Variants in INTS12 observed in about 807,000 individuals in gnomAD.
INTS12 encodes PHD finger protein 22.
In INTS12, 13 loss-of-function variants were observed where a neutral mutation model predicts 41.6. The ratio of observed to expected loss-of-function variants is 0.31; its 90% CI spans 0.20 to 0.50. The LOEUF is 0.50. Among genes scored for constraint, INTS12 ranks in the 20% least tolerant of loss-of-function variants. The pLI is 0.98. For missense variants in INTS12, 432 were observed against 541.6 expected (o/e 0.80, Z 2.01); for synonymous variants, 199 against 191.4 (o/e 1.04, Z -0.33).
At chr4:105,694,333 A>AT (rs954701207) in intron 4 of INTS12, among the ~76,000 whole-genome samples, 8 of 150,804 alleles carry the variant, frequency 5.3e-5, no homozygotes, top group Middle Eastern at 3.4e-3. Flanking sequence ...CATTTACATA[A>AT]TTTTTTTTTT....
At position 105,695,664 on chromosome 4, in the gene INTS12, A is replaced by C; in HGVS notation, c.161T>G (p.Val54Gly). The change falls in exon 4 of 8, where the codon GTG becomes GGG. Residue 54 changes from valine (V) to glycine (G), a missense_variant. Val to Gly is a moderately radical substitution (Grantham distance 109, BLOSUM62 -3). Coordinates refer to ENST00000340139, the MANE Select transcript of INTS12 (RefSeq NM_020395.4). ...DSSYRPSQKD[V>G]EPPKISSTKN... Reference sequence around the variant, plus strand: ...TGTGCTTGAAATTTTGGGTGGCTCCACATCCTAAAAGATGAAAAAAGGTAC... The same window carrying C: ...TGTGCTTGAAATTTTGGGTGGCTCCCCATCCTAAAAGATGAAAAAAGGTAC... 2 of 1,611,254 alleles carry C rather than the reference A, an allele frequency of 1.2e-6. No individual in the cohort carries two copies. Among genetic ancestry groups the C allele is most frequent in the Non-Finnish European group, 1.7e-6 (2 of 1,179,020 alleles).
chr4:105,684,199 T>C (rs952264166), intron 7 of INTS12, among the ~76,000 whole-genome samples: 13 of 152,168 alleles, frequency 8.5e-5, no homozygotes, highest in African/African-American at 2.9e-4. Flanking sequence ...ACTATATAAA[T>C]ACATATTGCT....
intron 6 of INTS12, chr4:105,687,204 C>G (rs544492213): frequency 4.6e-6 from 1 of 219,126 alleles, no homozygotes; most frequent in Admixed American, 5.3e-5. Context: ...GTCAAATACA[C>G]AAGAGTTTTC....
At chr4:105,699,191 T>C (rs1731973187) in intron 3 of INTS12, among the ~76,000 whole-genome samples, 1 of 152,208 alleles carries the variant, frequency 6.6e-6, no homozygotes. Flanking sequence ...CAGTTATCTA[T>C]CTTAAAGGAT....
chr4:105,695,910 G>A (rs1271110242), intron 3 of INTS12, among the ~76,000 whole-genome samples: 1 of 152,062 alleles, frequency 6.6e-6, no homozygotes. Context: ...GTGGAGTGCT[G>A]TGGCACAGTC....
chr4:105,695,757 A>AATTAAGAC, intron 3 of INTS12, 89 bp from the exon 4 acceptor site: 1 of 1,036,756 alleles, frequency 9.6e-7, no homozygotes, highest in East Asian at 2.5e-5. Flanking sequence ...TTCAGTTAAA[A>AATTAAGAC]ATTAAGACAT....
chr4:105,704,278 AGTCATCTT>A (rs1732187314), intron 1 of INTS12, among the ~76,000 whole-genome samples: 1 of 152,172 alleles, frequency 6.6e-6, no homozygotes, highest in Non-Finnish European at 1.5e-5. Flanking sequence ...CTTCTTTGTC[AGTCATCTT>A]TGTAGGTTCC....
In INTS12 at chr4:105,682,964, A is replaced by G. The variant is rs917966531; in HGVS notation, c.1158T>C (p.Gly386=). The G allele has an allele frequency of 7.8e-5, 126 of 1,613,982 alleles. No individual in the cohort carries two copies. Among genetic ancestry groups the G allele is most frequent in the Non-Finnish European group, 1.0e-4 (120 of 1,179,984 alleles). Reference sequence around the variant, plus strand: ...GAACTAAACTACTTGGACTAGGAAGACCTACTTTGCTGACATTGTCACAAC... The same window carrying G: ...GAACTAAACTACTTGGACTAGGAAGGCCTACTTTGCTGACATTGTCACAAC... The part of the protein sequence containing the change: ...SVSCDNVSKV[G]LPSPSSLVPG... Residue 386 remains glycine (G), a synonymous_variant, in exon 8 of 8, where the codon GGT becomes GGC. Transcript: ENST00000340139.
At position 105,683,243 on chromosome 4, in the gene INTS12, C is replaced by A; in HGVS notation, c.879G>T (p.Trp293Cys). Residue 293 changes from tryptophan to cysteine, a missense_variant, in exon 8 of 8, where the codon TGG becomes TGT. By Grantham distance (215) the Trp-to-Cys change is radical. This residue lies in a region of INTS12 where 258 missense variants were observed against 309.9 expected (regional missense o/e 0.83). Transcript: ENST00000340139. ...AGGAAGTTTTGGCTGCAAAAGCTGC[C>A]CATCCAGTTAAGCCACTAGTTACTG... ...SSSVTSGLTG[W>C]AAFAAKTSSA... The A allele has an allele frequency of 6.2e-7, 1 of 1,613,942 alleles. No homozygotes were observed.
Position 105,692,240 on chromosome 4 carries a change from T to C in INTS12, c.498-105A>G, listed in dbSNP as rs1731715837. ...GGCTCATGCCTGTAATCCCAGCACTTTGGGAGGCCAAGGCAGGCGGATCAT... is the reference window on the plus strand; with the variant it reads ...GGCTCATGCCTGTAATCCCAGCACTCTGGGAGGCCAAGGCAGGCGGATCAT... On this transcript the variant is annotated intron_variant, in intron 5 of 7. Transcript: ENST00000340139. The C allele has an allele frequency of 3.7e-6, 4 of 1,080,532 alleles. No individual in the cohort carries two copies. The South Asian group carries it at 5.9e-5, about 16-fold the overall frequency. The allele number at this position is 1,080,532 out of a possible 1,614,324, so 66.9% of individuals were successfully genotyped here. A position where few individuals can be genotyped will look rare whatever the true frequency, so the allele number is the denominator to read the frequency against.
At chr4:105,706,101 C>T (rs1280932679) in intron 1 of INTS12, 1 of 152,046 alleles carries the variant, frequency 6.6e-6, no homozygotes, top group African/African-American at 2.4e-5. Context: ...TTTGGCTTAT[C>T]TTCTTTGTTG....
intron 2 of INTS12, among the ~76,000 whole-genome samples, chr4:105,701,810 A>G (rs1301602676): frequency 2.6e-5 from 4 of 152,224 alleles, no homozygotes; most frequent in Admixed American, 2.0e-4. Flanking sequence ...ATATATTAGA[A>G]AAACCATTTC....
intron 1 of INTS12, among the ~76,000 whole-genome samples, chr4:105,707,110 C>G (rs1732302182): frequency 6.6e-6 from 1 of 152,094 alleles, no homozygotes; most frequent in Admixed American, 6.5e-5. Flanking sequence ...CTAGCTGACC[C>G]TGCCACTCTT....
rs2149175367 is a variant in INTS12 at position 105,683,286 on chromosome 4, C to T, written c.836G>A (p.Ser279Asn). ...TSTVISGNSS[S>N]ASVSSSVTSG... ...AGTTACTGACGAGGAAACGCTGGCA[C>T]TAGAAGAATTTCCTGAAATAACTGT... Residue 279 changes from serine (S) to asparagine (N), a missense_variant, in exon 8 of 8, where the codon AGT becomes AAT. Around this residue, in one of 3 missense-constraint regions of INTS12, gnomAD observed 258 missense variants for 309.9 expected, o/e 0.83. Coordinates refer to ENST00000340139, the MANE Select transcript of INTS12 (RefSeq NM_020395.4). 12 of 1,612,038 alleles carry T rather than the reference C, an allele frequency of 7.4e-6. No individual in the cohort carries two copies. The highest frequency in any genetic ancestry group is 9.3e-6 in the Non-Finnish European group (11 of 1,179,160).
intron 2 of INTS12, among the ~76,000 whole-genome samples, chr4:105,702,415 C>T (rs1328857088): frequency 3.9e-5 from 6 of 151,988 alleles, no homozygotes; most frequent in Admixed American, 6.5e-5. Context: ...GGATTACAGG[C>T]GTGAGCCACC....
intron 3 of INTS12, among the ~76,000 whole-genome samples, chr4:105,699,126 C>G (rs916374019): frequency 2.0e-5 from 3 of 152,130 alleles, no homozygotes; most frequent in African/African-American, 7.2e-5. Flanking sequence ...AATAAACAGA[C>G]TAAGTGAAAT....
chr4:105,705,886 G>A (rs1409955762), intron 1 of INTS12: 1 of 152,182 alleles, frequency 6.6e-6, no homozygotes, highest in Non-Finnish European at 1.5e-5. Context: ...TAGAATGTAA[G>A]TTCCATGAAG....
chr4:105,705,330 C>T (rs958322250), intron 1 of INTS12: 5 of 152,684 alleles, frequency 3.3e-5, no homozygotes, highest in African/African-American at 1.2e-4. Flanking sequence ...CCATCATCCC[C>T]AGATGAAACC....
chr4:105,702,401 G>T (rs1227983192), intron 2 of INTS12, among the ~76,000 whole-genome samples: 1 of 152,006 alleles, frequency 6.6e-6, no homozygotes, highest in African/African-American at 2.4e-5. Flanking sequence ...CTCCCAAAGT[G>T]CTGGGATTAC....
Sources: allele counts gnomAD v4.1 joint callset (sites outside exome capture counted in the v4.1 genomes callset), GRCh38; gene constraint gnomAD v4.1.1; regional missense constraint gnomAD v4.1.1; transcripts MANE v1.5; gene names NCBI Gene and HGNC (gene_info 2026-07-23, HGNC 2026-07-21).